Variants in ZMYND11 observed in about 807,000 individuals in gnomAD.
ZMYND11 encodes the protein zinc finger MYND domain-containing protein 11.
A neutral mutation model predicts 84.9 loss-of-function variants in ZMYND11; 9 were observed. The observed-to-expected ratio is 0.11, with a 90% CI of 0.06 to 0.18. The LOEUF (loss-of-function observed/expected upper bound fraction) is 0.18, where lower values mean the gene tolerates loss of function less well. Among genes scored for constraint, ZMYND11 ranks in the 10% least tolerant of loss-of-function variants. The probability of loss-of-function intolerance (pLI) is 1.00; values close to 1 mark genes in which losing one functional copy is unlikely to be tolerated. For missense variants in ZMYND11, 409 were observed against 761.0 expected, an observed-to-expected ratio of 0.54 and a Z score of 5.44; for synonymous variants, 250 against 244.1, an observed-to-expected ratio of 1.02 and a Z score of -0.23.
chr10:203,416 C>G (rs1943590301), intron 2 of ZMYND11, among the ~76,000 whole-genome samples: 1 of 151,668 alleles, frequency 6.6e-6, no homozygotes, highest in African/African-American at 2.4e-5. Context: ...CTTATGGATA[C>G]AAATTATAAA....
chr10:172,664 A>T (rs1554765993), intron 1 of ZMYND11, among the ~76,000 whole-genome samples: 1 of 152,158 alleles, frequency 6.6e-6, no homozygotes, highest in Non-Finnish European at 1.5e-5. Flanking sequence ...CAAGATGTCC[A>T]TTCTTCCCAC....
chr10:144,443 A>G (rs578182450), intron 1 of ZMYND11, among the ~76,000 whole-genome samples: 1 of 152,058 alleles, frequency 6.6e-6, no homozygotes, highest in Admixed American at 6.6e-5. Flanking sequence ...GATCATCTCG[A>G]ACACCTAGGC....
At chr10:160,421 T>C (rs1251641584) in intron 1 of ZMYND11, among the ~76,000 whole-genome samples, 1 of 152,230 alleles carries the variant, frequency 6.6e-6, no homozygotes, top group Non-Finnish European at 1.5e-5. Context: ...TGATGGCTGC[T>C]GACTGATTAG....
intron 2 of ZMYND11, among the ~76,000 whole-genome samples, chr10:182,715 C>T (rs190331933): frequency 5.4e-4 from 82 of 152,354 alleles, no homozygotes; most frequent in African/African-American, 1.5e-3. Context: ...AGAAAATTGC[C>T]TAACCCGGCC....
At chr10:140,980 T>C (rs1162862470) in intron 1 of ZMYND11, among the ~76,000 whole-genome samples, 1 of 152,192 alleles carries the variant, frequency 6.6e-6, no homozygotes, top group African/African-American at 2.4e-5. Flanking sequence ...TTTAAAGGAA[T>C]CATATGGACT....
intron 1 of ZMYND11, among the ~76,000 whole-genome samples, chr10:142,905 A>G (rs1837820810): frequency 6.6e-6 from 1 of 152,252 alleles, no homozygotes; most frequent in Non-Finnish European, 1.5e-5. Flanking sequence ...TCACTATGGT[A>G]GCTCACATTA....
intron 1 of ZMYND11, among the ~76,000 whole-genome samples, chr10:137,657 T>C (rs1341795015): frequency 6.6e-6 from 1 of 152,158 alleles, no homozygotes; most frequent in Non-Finnish European, 1.5e-5. Flanking sequence ...AGGGTCATCT[T>C]TGTAGTTTTT....
At position 248,524 on chromosome 10, in the gene ZMYND11, C is replaced by A; in HGVS notation, c.1416C>A (p.Thr472=). The A allele has an allele frequency of 6.2e-7, 1 of 1,614,132 alleles. No homozygotes were observed. The highest frequency in any genetic ancestry group is 1.1e-5 in the South Asian group (1 of 91,078). Residue 472 remains threonine, a synonymous_variant, in exon 13 of 15, where the codon ACC becomes ACA. Transcript: ENST00000381604. ...AGAGCATGTGCCATGACAAATACAC[C>A]AAGATCTTCAATGACTTCAAAGACC... ...VCQSMCHDKY[T]KIFNDFKDRM...
chr10:239,856 A>T (rs541272433), intron 7 of ZMYND11, 200 bp from the exon 8 acceptor site: 14 of 566,060 alleles, frequency 2.5e-5, no homozygotes, highest in Middle Eastern at 4.6e-4. Flanking sequence ...GTCATTCTCT[A>T]TACCCTGAGA....
chr10:211,202 GA>G (rs201851300), intron 3 of ZMYND11, among the ~76,000 whole-genome samples: 131 of 101,240 alleles, frequency 1.3e-3, no homozygotes, highest in Middle Eastern at 5.0e-3. Flanking sequence ...CTCCTAAAAA[GA>G]AAAAAAAAAA....
At chr10:229,442 C>T (rs1005863312) in intron 4 of ZMYND11, among the ~76,000 whole-genome samples, 1 of 152,214 alleles carries the variant, frequency 6.6e-6, no homozygotes, top group African/African-American at 2.4e-5. Context: ...GTTAAAAAAA[C>T]TACTCTCAGT....
intron 2 of ZMYND11, among the ~76,000 whole-genome samples, chr10:180,549 G>A (rs1056947580): frequency 1.3e-5 from 2 of 152,056 alleles, no homozygotes; most frequent in Non-Finnish European, 2.9e-5. Context: ...ACAGGCACCC[G>A]CCACCACGCC....
intron 13 of ZMYND11, 97 bp downstream of exon 13, chr10:248,705 A>T: frequency 6.9e-7 from 1 of 1,445,706 alleles, no homozygotes; most frequent in South Asian, 1.4e-5. Flanking sequence ...AGCAGCTTTT[A>T]CATGTAGCCA....
At chr10:155,546 G>A (rs558653777) in intron 1 of ZMYND11, among the ~76,000 whole-genome samples, 2 of 152,080 alleles carry the variant, frequency 1.3e-5, no homozygotes, top group African/African-American at 2.4e-5. Context: ...TAAGAAAATC[G>A]CGAACAATAC....
chr10:137,843 T>C (rs1554752663), intron 1 of ZMYND11, among the ~76,000 whole-genome samples: 2 of 152,230 alleles, frequency 1.3e-5, no homozygotes, highest in Admixed American at 6.5e-5. Flanking sequence ...GATGTGATTA[T>C]GACAGAATCA....
intron 3 of ZMYND11, among the ~76,000 whole-genome samples, chr10:211,418 G>T (rs967930035): frequency 6.6e-6 from 1 of 151,892 alleles, no homozygotes; most frequent in African/African-American, 2.4e-5. Flanking sequence ...CTTATAATTG[G>T]TTCTTTGTGG....
intron 1 of ZMYND11, among the ~76,000 whole-genome samples, chr10:164,032 A>G (rs1035298153): frequency 4.6e-5 from 7 of 152,166 alleles, no homozygotes; most frequent in Middle Eastern, 3.4e-3. Flanking sequence ...ACTATTTTTG[A>G]TTGATTATGT....
intron 2 of ZMYND11, among the ~76,000 whole-genome samples, chr10:205,277 T>C (rs943034383): frequency 6.6e-6 from 1 of 152,366 alleles, no homozygotes; most frequent in Admixed American, 6.5e-5. Flanking sequence ...TAGTTGCTTC[T>C]ATTTTAATTT....
intron 1 of ZMYND11, among the ~76,000 whole-genome samples, chr10:169,275 A>G (rs1844729969): frequency 6.6e-6 from 1 of 152,136 alleles, no homozygotes; most frequent in East Asian, 1.9e-4. Context: ...GGCTGTCTAA[A>G]GATTGAATCT....
Sources: gnomAD v4.1 joint callset for allele counts (sites outside exome capture counted in the v4.1 genomes callset) on GRCh38, gnomAD v4.1.1 for gene constraint, MANE v1.5 for transcripts, NCBI Gene and HGNC (gene_info 2026-07-23, HGNC 2026-07-21) for gene names.